The following DSE variants were observed in gnomAD, a reference collection of about 807,000 sequenced individuals.
DSE encodes dermatan-sulfate epimerase.
In DSE, 36 loss-of-function variants were observed where a neutral mutation model predicts 84.4. That is an observed-to-expected ratio of 0.43 (90% CI 0.33 to 0.56). The LOEUF is 0.56. DSE is among the 20% of genes least tolerant of loss of function. The probability of loss-of-function intolerance (pLI) is 0.06; values close to 1 mark genes in which losing one functional copy is unlikely to be tolerated. For missense variants in DSE, 862 were observed against 1,169.6 expected, an observed-to-expected ratio of 0.74 and a Z score of 3.84; for synonymous variants, 410 against 430.1, an observed-to-expected ratio of 0.95 and a Z score of 0.58.
chr6:116,421,630 C>G (rs1238832787), intron 2 of DSE, among the ~76,000 whole-genome samples: 1 of 150,936 alleles, frequency 6.6e-6, no homozygotes, highest in Non-Finnish European at 1.5e-5. Context: ...TGCCACCAGG[C>G]CCAGCTAATT....
intron 2 of DSE, among the ~76,000 whole-genome samples, chr6:116,407,897 T>C (rs964902584): frequency 2.0e-5 from 3 of 152,224 alleles, no homozygotes; most frequent in Non-Finnish European, 4.4e-5. Context: ...TTCCCAGTGG[T>C]CCAGTTGGAC....
chr6:116,285,860 G>A (rs527288841), intron 2 of DSE, among the ~76,000 whole-genome samples: 1 of 152,122 alleles, frequency 6.6e-6, no homozygotes, highest in Non-Finnish European at 1.5e-5. Context: ...TGAGGGCTCT[G>A]TTCTGTTCCA....
At chr6:116,310,907 C>T (rs1169446751) in intron 2 of DSE, among the ~76,000 whole-genome samples, 1 of 152,230 alleles carries the variant, frequency 6.6e-6, no homozygotes, top group African/African-American at 2.4e-5. Flanking sequence ...TGTGTGGCCA[C>T]AGGGTCTCTG....
At position 116,279,241 on chromosome 6, in the gene DSE, G is replaced by A. The variant is rs1392034294; in HGVS notation, c.-54+20274G>A. 5 of 1,608,704 alleles carry A rather than the reference G, an allele frequency of 3.1e-6. No individual in the cohort carries two copies. The East Asian group carries it at 6.7e-5, about 22-fold the overall frequency. On this transcript the variant is annotated intron_variant, in intron 2 of 3. Transcript: ENST00000430252. ...CGCCACTTCTATTTCTTCACCTTCT[G>A]GCGGCTGCTCCTCTACCTCCATCTG...
intron 2 of DSE, among the ~76,000 whole-genome samples, chr6:116,285,480 C>T (rs1773836837): frequency 6.6e-6 from 1 of 152,212 alleles, no homozygotes; most frequent in East Asian, 1.9e-4. Context: ...TGCCTATTCA[C>T]TCTGATGGTA....
At chr6:116,432,011 A>G (rs1783873379) in intron 4 of DSE, among the ~76,000 whole-genome samples, 1 of 152,234 alleles carries the variant, frequency 6.6e-6, no homozygotes, top group African/African-American at 2.4e-5. Flanking sequence ...ATACATACAG[A>G]TTAATAGAAT....
At chr6:116,258,373 T>C in intron 1 of DSE, 1 of 630,750 alleles carries the variant, frequency 1.6e-6, no homozygotes, top group Non-Finnish European at 2.9e-6. Context: ...GAAATTCATA[T>C]TGTATATCAA....
intron 2 of DSE, among the ~76,000 whole-genome samples, chr6:116,320,459 A>G (rs939012585): frequency 3.3e-5 from 5 of 151,860 alleles, no homozygotes; most frequent in East Asian, 1.9e-4. Context: ...AATATAAACT[A>G]TGCTTTGGAG....
intron 2 of DSE, among the ~76,000 whole-genome samples, chr6:116,272,054 T>C (rs1772903941): frequency 6.6e-6 from 1 of 152,254 alleles, no homozygotes; most frequent in Admixed American, 6.5e-5. Context: ...GAATTTCATA[T>C]ACATGGAATC....
At chr6:116,317,530 T>A (rs773680487) in intron 2 of DSE, among the ~76,000 whole-genome samples, 1 of 152,244 alleles carries the variant, frequency 6.6e-6, no homozygotes, top group Non-Finnish European at 1.5e-5. Context: ...TTAGTAAGGA[T>A]GCTTAGTAAT....
intron 5 of DSE, among the ~76,000 whole-genome samples, chr6:116,434,587 G>A (rs1784040067): frequency 6.6e-6 from 1 of 152,034 alleles, no homozygotes; most frequent in African/African-American, 2.4e-5. Context: ...AGGATTAATA[G>A]GTCAGATTAA....
At chr6:116,409,194 T>A (rs1583189950) in intron 2 of DSE, among the ~76,000 whole-genome samples, 1 of 152,278 alleles carries the variant, frequency 6.6e-6, no homozygotes, top group South Asian at 2.1e-4. Flanking sequence ...TGTGTTCTTA[T>A]AAATTGATGC....
At chr6:116,395,595 A>G (rs1781203989) in intron 1 of DSE, among the ~76,000 whole-genome samples, 1 of 152,212 alleles carries the variant, frequency 6.6e-6, no homozygotes, top group Non-Finnish European at 1.5e-5. Context: ...TTTTAAATTT[A>G]AATATATTTT....
chr6:116,278,865 C>T, intron 2 of DSE: 1 of 1,614,172 alleles, frequency 6.2e-7, no homozygotes, highest in African/African-American at 1.3e-5. Flanking sequence ...TAAAGAAGAA[C>T]TTGAACTTGC....
At chr6:116,430,317 T>A (rs921806749) in intron 3 of DSE, among the ~76,000 whole-genome samples, 2 of 152,250 alleles carry the variant, frequency 1.3e-5, no homozygotes, top group African/African-American at 2.4e-5. Flanking sequence ...TGCAGCCTAT[T>A]ACAAATTCTA....
chr6:116,396,570 A>G (rs1781263274), intron 1 of DSE, among the ~76,000 whole-genome samples: 1 of 152,224 alleles, frequency 6.6e-6, no homozygotes, highest in East Asian at 1.9e-4. Context: ...CCTTGCACGA[A>G]TTCAAAGTAA....
At chr6:116,371,164 G>A (rs531182695) in intron 1 of DSE, 43 bp downstream of exon 1, 238 of 985,596 alleles carry the variant, frequency 2.4e-4, no homozygotes, top group Non-Finnish European at 2.8e-4. Context: ...GGCGCGCGGC[G>A]CAACTTTCTT....
At chr6:116,377,201 G>A (rs772471355) in intron 1 of DSE, among the ~76,000 whole-genome samples, 4 of 152,128 alleles carry the variant, frequency 2.6e-5, no homozygotes, top group South Asian at 2.1e-4. Context: ...TTTTTATCAT[G>A]CATAACAATA....
chr6:116,397,533 G>A (rs886064712), intron 1 of DSE, among the ~76,000 whole-genome samples: 2 of 152,156 alleles, frequency 1.3e-5, no homozygotes, highest in East Asian at 1.9e-4. Flanking sequence ...AATGGAGCAA[G>A]GAATAAGCCC....
Sources: gnomAD v4.1 joint callset for allele counts (sites outside exome capture counted in the v4.1 genomes callset) on GRCh38, gnomAD v4.1.1 for gene constraint, MANE v1.5 for transcripts, NCBI Gene and HGNC (gene_info 2026-07-23, HGNC 2026-07-21) for gene names.